The following SEC14L6 variants were observed in gnomAD, a reference collection of about 807,000 sequenced individuals.
SEC14L6 encodes the protein SEC14 like lipid binding 6.
In SEC14L6, 40 loss-of-function variants were observed where a neutral mutation model predicts 54.1. That is an observed-to-expected ratio of 0.74 (90% CI 0.57 to 0.96). The LOEUF (loss-of-function observed/expected upper bound fraction) is 0.96. SEC14L6 is among the 40% of genes least tolerant of loss of function. The pLI is 0.00. For missense variants in SEC14L6, 471 were observed against 498.3 expected, an observed-to-expected ratio of 0.95 and a Z score of 0.52; for synonymous variants, 171 against 198.4, an observed-to-expected ratio of 0.86 and a Z score of 1.16.
chr22:30,525,349 C>G lies in SEC14L6; in HGVS notation c.1081+1G>C, dbSNP rs551695429. 9.4e-5 allele frequency: 151 copies of G among 1,613,916 alleles called. 1 individual carries two copies. In the East Asian group the frequency reaches 2.9e-3, roughly 31 times the overall value. ...GTAGAGCCATCCCTGCCAACTCTTA[C>G]AGCTGCCGGCCTGGAGGCAGGTGAG... On this transcript the variant is annotated splice_donor_variant, in intron 11 of 11. Coordinates refer to ENST00000402034, the MANE Select transcript of SEC14L6 (RefSeq NM_001193336.4). LOFTEE classifies it high-confidence loss of function.
In SEC14L6 at chr22:30,538,335, CAAAA is replaced by C. The variant is rs112815330; in HGVS notation, c.130+488_130+491del. Reference sequence around the variant, plus strand: ...GCAACAGAGTGGGACTCCGTCTCAACAAAAAAAAAAAAAAAAGAAAGAAAGAAAA... The same window carrying C: ...GCAACAGAGTGGGACTCCGTCTCAACAAAAAAAAAAAAGAAAGAAAGAAAA... On this transcript the variant is annotated intron_variant, in intron 2 of 11. Coordinates refer to ENST00000402034, the MANE Select transcript of SEC14L6 (RefSeq NM_001193336.4). Among the ~76,000 whole-genome samples the C allele has an allele frequency of 3.6e-4, 33 of 92,954 alleles. No individual in the cohort carries two copies. The South Asian group carries it at 5.0e-3, about 14-fold the overall frequency. The allele number at this position is 92,954 out of a possible 152,430, so 61.0% of individuals were successfully genotyped here.
intron 2 of SEC14L6, among the ~76,000 whole-genome samples, chr22:30,534,918 G>T (rs1568970230): frequency 6.6e-6 from 1 of 151,966 alleles, no homozygotes; most frequent in Non-Finnish European, 1.5e-5. Flanking sequence ...CCAGCTACTT[G>T]GGAGGCTGAG....
At chr22:30,530,873 G>A (rs1451637825) in intron 6 of SEC14L6, among the ~76,000 whole-genome samples, 2 of 152,340 alleles carry the variant, frequency 1.3e-5, no homozygotes, top group East Asian at 3.9e-4. Flanking sequence ...CAAAAAGGAA[G>A]GTCAGGGGCT....
In SEC14L6 at chr22:30,522,894, T is replaced by A. The variant is rs1477453922; in HGVS notation, c.*2103A>T. The A allele has an allele frequency of 1.3e-5, 2 of 152,208 alleles. No homozygotes were observed. The highest frequency in any genetic ancestry group is 4.8e-5 in the African/African-American group (2 of 41,434). The allele number at this position is 152,208 out of a possible 1,614,324, so 9.4% of individuals were successfully genotyped here. On this transcript the variant is annotated 3_prime_UTR_variant, in exon 12 of 12. Coordinates refer to ENST00000402034, the MANE Select transcript of SEC14L6 (RefSeq NM_001193336.4). The stretch of plus-strand genomic sequence containing the variant: ...GGATAAACACAGTGTGGTCCATCCA[T>A]ACAGTGGTATATTACTCAGCAACGA...
chr22:30,537,343 G>C (rs1434599995), intron 2 of SEC14L6, among the ~76,000 whole-genome samples: 2 of 151,914 alleles, frequency 1.3e-5, no homozygotes, highest in African/African-American at 4.8e-5. Context: ...AGCCAGGCAC[G>C]GTGGCTCATG....
At chr22:30,542,529 C>A in intron 1 of SEC14L6, 1 of 1,084,662 alleles carries the variant, frequency 9.2e-7, no homozygotes, top group South Asian at 1.8e-5. Flanking sequence ...CCCGGCGGCG[C>A]TTCTAGTGCC....
chr22:30,532,387 C>G, intron 5 of SEC14L6, 138 bp downstream of exon 5: 1 of 1,319,812 alleles, frequency 7.6e-7, no homozygotes, highest in Non-Finnish European at 1.0e-6. Flanking sequence ...TCCTTGGCCT[C>G]TCTGAACCTG....
At position 30,543,042 on chromosome 22, in the gene SEC14L6, G is replaced by A. The variant is rs1021195143; in HGVS notation, c.54+3587C>T. 63 of 1,599,048 alleles carry A rather than the reference G, an allele frequency of 3.9e-5. No individual in the cohort carries two copies. In the East Asian group the frequency reaches 1.1e-3, roughly 29 times the overall value. On this transcript the variant is annotated intron_variant, in intron 1 of 11. Coordinates refer to ENST00000402034, the MANE Select transcript of SEC14L6 (RefSeq NM_001193336.4). The stretch of plus-strand genomic sequence containing the variant: ...CCCCCGTGGTATCGGGCCCCGCAGC[G>A]AGGGCCACACCTGACCACACAGTGA...
chr22:30,526,920 G>T (rs997027202), intron 8 of SEC14L6, among the ~76,000 whole-genome samples: 31 of 152,030 alleles, frequency 2.0e-4, no homozygotes, highest in Admixed American at 1.6e-3. Context: ...ACATAGTAAA[G>T]ACATGACTCT....
At chr22:30,532,475 G>C in intron 5 of SEC14L6, 50 bp downstream of exon 5, 1 of 1,491,758 alleles carries the variant, frequency 6.7e-7, no homozygotes, top group South Asian at 1.3e-5. Context: ...AGGCTCAGGG[G>C]GTGAGGGTGC....
intron 5 of SEC14L6, 63 bp from the exon 6 acceptor site, chr22:30,532,061 G>A: frequency 6.6e-7 from 1 of 1,526,014 alleles, no homozygotes; most frequent in Non-Finnish European, 8.8e-7. Context: ...ATCCAAGATG[G>A]GGCTGGGCCT....
chr22:30,527,570 G>A (rs1936816080), intron 8 of SEC14L6, among the ~76,000 whole-genome samples: 1 of 151,838 alleles, frequency 6.6e-6, no homozygotes, highest in East Asian at 1.9e-4. Context: ...GTCCTAACAT[G>A]TAACCAGGTG....
chr22:30,523,248 GA>G lies in SEC14L6; in HGVS notation c.*1748del, dbSNP rs1246575779. The G allele has an allele frequency of 6.6e-6, 1 of 152,242 alleles. No individual in the cohort carries two copies. The highest frequency in any genetic ancestry group is 1.5e-5 in the Non-Finnish European group (1 of 68,068). The allele number at this position is 152,242 out of a possible 1,614,324, so 9.4% of individuals were successfully genotyped here. On this transcript the variant is annotated 3_prime_UTR_variant, in exon 12 of 12. Coordinates refer to ENST00000402034, the MANE Select transcript of SEC14L6 (RefSeq NM_001193336.4). ...CATGTGAGTGACAGGATCCTGGGCA[GA>G]ATCTCAGCTGACAGCATAGCCAGAC...
At chr22:30,525,995 G>A in intron 8 of SEC14L6, 63 bp from the exon 9 acceptor site, 1 of 1,540,406 alleles carries the variant, frequency 6.5e-7, no homozygotes, top group Non-Finnish European at 8.8e-7. Flanking sequence ...GGCAGAGGGG[G>A]CTGAGCCCAG....
In SEC14L6 at chr22:30,522,934, T is replaced by G. The variant is rs935147546; in HGVS notation, c.*2063A>C. The G allele has an allele frequency of 6.6e-6, 1 of 152,292 alleles. No individual in the cohort carries two copies. Among genetic ancestry groups the G allele is most frequent in the East Asian group, 1.9e-4 (1 of 5,190 alleles). 9.4% of individuals were successfully genotyped at this position (152,292 alleles called of 1,614,324 possible). A position where few individuals can be genotyped will look rare whatever the true frequency, so the allele number is the denominator to read the frequency against. ...CTCAGCAACGAAAAGCAACTAAATATTAACACATGCAACAAAGTGAATGAA... is the reference window on the plus strand; with the variant it reads ...CTCAGCAACGAAAAGCAACTAAATAGTAACACATGCAACAAAGTGAATGAA... On this transcript the variant is annotated 3_prime_UTR_variant, in exon 12 of 12. Coordinates refer to ENST00000402034, the MANE Select transcript of SEC14L6 (RefSeq NM_001193336.4).
chr22:30,528,091 G>A (rs5749115), intron 8 of SEC14L6, among the ~76,000 whole-genome samples: 13,434 of 145,734 alleles, frequency 0.092, 1,323 homozygotes, highest in African/African-American at 0.25. Context: ...AAACTGTATT[G>A]CTTATATAAT....
chr22:30,543,559 T>C (rs2085760984), intron 1 of SEC14L6: 1 of 1,613,632 alleles, frequency 6.2e-7, no homozygotes. Flanking sequence ...GAAGCTCACC[T>C]GCCAGGTGGA....
At chr22:30,529,241 C>T in intron 7 of SEC14L6, 48 bp downstream of exon 7, 1 of 1,543,946 alleles carries the variant, frequency 6.5e-7, no homozygotes, top group African/African-American at 1.4e-5. Context: ...GGTCACCGCA[C>T]ATCCCCTGTC....
At chr22:30,534,842 T>C (rs1029990407) in intron 2 of SEC14L6, among the ~76,000 whole-genome samples, 5 of 152,036 alleles carry the variant, frequency 3.3e-5, no homozygotes, top group Non-Finnish European at 5.9e-5. Flanking sequence ...CTGGACAACA[T>C]AGTGAAATCT....
Sources: gnomAD v4.1 joint callset for allele counts (sites outside exome capture counted in the v4.1 genomes callset) on GRCh38, gnomAD v4.1.1 for gene constraint, MANE v1.5 for transcripts, NCBI Gene and HGNC (gene_info 2026-07-23, HGNC 2026-07-21) for gene names.